Variants in PCSK5 observed in about 807,000 individuals in gnomAD.
PCSK5 encodes proprotein convertase subtilisin/kexin type 5.
In PCSK5, 129 loss-of-function variants were observed where a neutral mutation model predicts 233.2. The ratio of observed to expected loss-of-function variants is 0.55; its 90% CI spans 0.48 to 0.64. The LOEUF (loss-of-function observed/expected upper bound fraction) is 0.64, where lower values mean the gene tolerates loss of function less well. Among genes scored for constraint, PCSK5 ranks in the 30% least tolerant of loss-of-function variants. The probability of loss-of-function intolerance (pLI) is 0.00; values close to 1 mark genes in which losing one functional copy is unlikely to be tolerated. For missense variants in PCSK5, 2,076 were observed against 2,430.1 expected (o/e 0.85, Z 3.06); for synonymous variants, 825 against 879.2 (o/e 0.94, Z 1.09).
chr9:76,253,791 T>C (rs1484433223), intron 24 of PCSK5, among the ~76,000 whole-genome samples: 2 of 152,230 alleles, frequency 1.3e-5, no homozygotes, highest in Admixed American at 1.3e-4. Flanking sequence ...ATTTTATGCA[T>C]ATGGGAAATG....
chr9:76,204,025 A>G (rs1334526006), intron 20 of PCSK5, among the ~76,000 whole-genome samples: 1 of 152,176 alleles, frequency 6.6e-6, no homozygotes, highest in African/African-American at 2.4e-5. Flanking sequence ...ACAACCCATA[A>G]AAGTACTTAG....
chr9:76,046,559 C>CTTTTTTTTT (rs553542037), intron 5 of PCSK5, among the ~76,000 whole-genome samples: 18 of 104,804 alleles, frequency 1.7e-4, no homozygotes, highest in Non-Finnish European at 2.5e-4. Context: ...CTTTCTTTTT[C>CTTTTTTTTT]TTTTTTTTTT....
intron 12 of PCSK5, among the ~76,000 whole-genome samples, chr9:76,162,245 C>T (rs1356016838): frequency 2.0e-5 from 3 of 152,164 alleles, no homozygotes; most frequent in Admixed American, 6.5e-5. Context: ...ACACTGGTAG[C>T]GTCCCTCCTA....
intron 19 of PCSK5, 132 bp downstream of exon 19, chr9:76,189,355 T>C: frequency 1.3e-6 from 1 of 764,286 alleles, no homozygotes; most frequent in Non-Finnish European, 2.1e-6. Context: ...GTGGACACTG[T>C]TCTGAAGCTT....
At chr9:75,939,480 C>T (rs1824204570) in intron 2 of PCSK5, among the ~76,000 whole-genome samples, 1 of 152,190 alleles carries the variant, frequency 6.6e-6, no homozygotes, top group African/African-American at 2.4e-5. Flanking sequence ...GAGCCACAAA[C>T]ATTTGGGTCA....
At chr9:76,152,906 C>G (rs915803262) in intron 10 of PCSK5, among the ~76,000 whole-genome samples, 2 of 152,180 alleles carry the variant, frequency 1.3e-5, no homozygotes, top group African/African-American at 2.4e-5. Context: ...CTCAGCACTT[C>G]CGGTCTCATC....
chr9:76,207,328 T>G (rs192105457), intron 20 of PCSK5, among the ~76,000 whole-genome samples: 1 of 152,330 alleles, frequency 6.6e-6, no homozygotes, highest in Admixed American at 6.5e-5. Context: ...TCTAATTCTC[T>G]GAGCCACCAT....
intron 1 of PCSK5, among the ~76,000 whole-genome samples, chr9:75,916,219 GC>G (rs1822982505): frequency 6.6e-6 from 1 of 152,164 alleles, no homozygotes; most frequent in Non-Finnish European, 1.5e-5. Context: ...TTAGCATTTA[GC>G]CTATTTAGGT....
intron 5 of PCSK5, among the ~76,000 whole-genome samples, chr9:76,037,242 CCAAA>C (rs772155636): frequency 6.6e-6 from 1 of 151,896 alleles, no homozygotes; most frequent in Non-Finnish European, 1.5e-5. Context: ...GGGAAAAAAG[CCAAA>C]CAAAGGAAAG....
At chr9:75,893,541 T>G (rs1825694304) in intron 1 of PCSK5, among the ~76,000 whole-genome samples, 2 of 152,176 alleles carry the variant, frequency 1.3e-5, no homozygotes, top group Non-Finnish European at 2.9e-5. Context: ...GCTGTTACCT[T>G]TCTGAATTAA....
At chr9:76,137,266 G>A (rs578237130) in intron 10 of PCSK5, among the ~76,000 whole-genome samples, 2 of 152,218 alleles carry the variant, frequency 1.3e-5, no homozygotes, top group South Asian at 4.2e-4. Context: ...TACCCTGGAG[G>A]TGCTCACTGA....
intron 8 of PCSK5, among the ~76,000 whole-genome samples, chr9:76,100,602 C>T (rs1035037920): frequency 2.6e-5 from 4 of 152,212 alleles, no homozygotes; most frequent in Non-Finnish European, 5.9e-5. Context: ...CAGTGTGCAT[C>T]CCATCCTGAT....
intron 5 of PCSK5, among the ~76,000 whole-genome samples, chr9:76,042,144 C>T (rs565662844): frequency 1.3e-5 from 2 of 152,176 alleles, no homozygotes; most frequent in Non-Finnish European, 2.9e-5. Flanking sequence ...AAGATCATTG[C>T]CCCCTTTTCA....
At chr9:76,307,580 G>C (rs1828739969) in intron 28 of PCSK5, among the ~76,000 whole-genome samples, 1 of 152,124 alleles carries the variant, frequency 6.6e-6, no homozygotes, top group Admixed American at 6.5e-5. Context: ...ATCAAATGCT[G>C]TTGGAGGGAA....
rs558725900 is a variant in PCSK5 at position 76,308,615 on chromosome 9, A to ATAG, written c.3605-30_3605-29insTAG. Reference sequence around the variant, plus strand: ...ATCCTATGTGCCTATTCCAAGGAGAAGCCTGAACTGTTGTTTCTTTCTCAT... The same window carrying ATAG: ...ATCCTATGTGCCTATTCCAAGGAGAATAGGCCTGAACTGTTGTTTCTTTCTCAT... On this transcript the variant is annotated intron_variant, in intron 28 of 37. Transcript: ENST00000674117. 3.2e-3 allele frequency: 4,172 copies of ATAG among 1,310,980 alleles called. 11 individuals are homozygous for ATAG. The highest frequency in any genetic ancestry group is 4.0e-3 in the Non-Finnish European group (3,615 of 906,936). The allele number at this position is 1,310,980 out of a possible 1,614,324, so 81.2% of individuals were successfully genotyped here. A position where few individuals can be genotyped will look rare whatever the true frequency, so the allele number is the denominator to read the frequency against.
At position 76,360,194 on chromosome 9, in the gene PCSK5, T is replaced by C. The variant is rs1445155386; in HGVS notation, c.*1272T>C. On this transcript the variant is annotated 3_prime_UTR_variant, in exon 38 of 38. Coordinates refer to ENST00000674117, the MANE Select transcript of PCSK5 (RefSeq NM_001372043.1). The stretch of plus-strand genomic sequence containing the variant: ...AAGCAAAAATGACATTTTCAGAGAA[T>C]GATGATAATTATAATCTATTGCACA... 6.6e-6 allele frequency: 1 copy of C among 152,192 alleles called. No individual in the cohort carries two copies. 9.4% of individuals were successfully genotyped at this position (152,192 alleles called of 1,614,324 possible).
At chr9:76,076,219 G>A (rs1830641406) in intron 7 of PCSK5, among the ~76,000 whole-genome samples, 1 of 152,124 alleles carries the variant, frequency 6.6e-6, no homozygotes, top group Non-Finnish European at 1.5e-5. Context: ...TAATGTAGGT[G>A]CTGGGGGCAA....
In PCSK5 at chr9:76,215,368, C is replaced by T. The variant is rs185538078; in HGVS notation, c.2627-12135C>T. 9.9e-4 allele frequency among the ~76,000 whole-genome samples: 151 copies of T among 152,276 alleles called. 1 individual carries two copies. Among genetic ancestry groups the T allele is most frequent in the South Asian group, 2.5e-3 (12 of 4,818 alleles). Reference sequence around the variant, plus strand: ...CTCTGCCTGAGATGATCACTAGAATCGAGTTTCCAGGGAAAGGCAGGCTTC... The same window carrying T: ...CTCTGCCTGAGATGATCACTAGAATTGAGTTTCCAGGGAAAGGCAGGCTTC... On this transcript the variant is annotated intron_variant, in intron 20 of 37. Coordinates refer to ENST00000674117, the MANE Select transcript of PCSK5 (RefSeq NM_001372043.1).
rs567686933 is a variant in PCSK5 at position 76,320,397 on chromosome 9, C to G, written c.3885-1025C>G. Among the ~76,000 whole-genome samples, 124 of 148,116 alleles carry G rather than the reference C, an allele frequency of 8.4e-4. 1 individual carries two copies. Among genetic ancestry groups the G allele is most frequent in the African/African-American group, 3.1e-3 (124 of 40,136 alleles). Reference sequence around the variant, plus strand: ...GTGAGCCAAGATCGTGCCATGCACTCCAGCCTGGGTGACACAGCAAGACTC... The same window carrying G: ...GTGAGCCAAGATCGTGCCATGCACTGCAGCCTGGGTGACACAGCAAGACTC... On this transcript the variant is annotated intron_variant, in intron 30 of 37. Coordinates refer to ENST00000674117, the MANE Select transcript of PCSK5 (RefSeq NM_001372043.1).
Sources: gnomAD v4.1 joint callset for allele counts (sites outside exome capture counted in the v4.1 genomes callset) on GRCh38, gnomAD v4.1.1 for gene constraint, MANE v1.5 for transcripts, NCBI Gene and HGNC (gene_info 2026-07-23, HGNC 2026-07-21) for gene names.